Variants in NRG4 observed in about 807,000 individuals in gnomAD.
NRG4 encodes neuregulin 4.
In NRG4, 10 loss-of-function variants were observed where a neutral mutation model predicts 15.0. The observed-to-expected ratio is 0.67, with a 90% CI of 0.41 to 1.13. The LOEUF is 1.13. Ranked by LOEUF, NRG4 falls within the 50% of genes most tolerant of loss-of-function variation. NRG4 has a pLI of 0.00. For synonymous variants in NRG4, 41 were observed against 50.1 expected, an observed-to-expected ratio of 0.82 and a Z score of 0.77; for missense variants, 139 against 140.2, an observed-to-expected ratio of 0.99 and a Z score of 0.04.
intron 3 of NRG4, among the ~76,000 whole-genome samples, chr15:75,976,733 C>T (rs1292530468): frequency 1.3e-5 from 2 of 152,182 alleles, no homozygotes; most frequent in East Asian, 1.9e-4. Flanking sequence ...CGCCAGATGC[C>T]AGCCAGAGGT....
chr15:75,990,987 T>C (rs2033994072), intron 3 of NRG4, among the ~76,000 whole-genome samples: 1 of 152,188 alleles, frequency 6.6e-6, no homozygotes, highest in Non-Finnish European at 1.5e-5. Flanking sequence ...GTAATTTTCA[T>C]ATATTCTATT....
rs548943287 is a variant in NRG4, at chr15:75,970,514, C to T, written c.105-8540G>A. On this transcript the variant is annotated intron_variant, in intron 3 of 5. Coordinates refer to ENST00000394907, the MANE Select transcript of NRG4 (RefSeq NM_138573.4). ...CTTGGCCTAGGCAGCAGGGACCGTC[C>T]CAGGTCTGAGCCTGTGGCTCTATGG... is the stretch of plus-strand genomic sequence containing the variant. Among the ~76,000 whole-genome samples, 34 of 152,332 alleles carry T rather than the reference C, an allele frequency of 2.2e-4. No individual in the cohort carries two copies. The East Asian group carries it at 6.2e-3, about 28-fold the overall frequency.
chr15:75,966,359 T>C (rs1194313358), intron 3 of NRG4, among the ~76,000 whole-genome samples: 1 of 152,206 alleles, frequency 6.6e-6, no homozygotes, highest in African/African-American at 2.4e-5. Flanking sequence ...TATGTGATCT[T>C]GGGCAAGTCA....
chr15:76,027,821 C>CA (rs1353130827), intron 5 of NRG4, among the ~76,000 whole-genome samples: 10 of 151,986 alleles, frequency 6.6e-5, no homozygotes, highest in Non-Finnish European at 1.0e-4. Flanking sequence ...ATTGAAATAT[C>CA]AAGTAACTTA....
In NRG4 at chr15:75,986,887, A is replaced by G. The variant is rs148857370; in HGVS notation, c.104+22313T>C. ...CCATTAAACTGAAAGGGAAGGGATG[A>G]ACACATAAGAGAGAATATTAATGTA... On this transcript the variant is annotated intron_variant, in intron 3 of 5. Transcript: ENST00000394907. Among the ~76,000 whole-genome samples the G allele has an allele frequency of 1.1e-3, 169 of 152,322 alleles. 1 individual carries two copies. The highest frequency in any genetic ancestry group is 3.8e-3 in the African/African-American group (158 of 41,566).
At chr15:76,021,310 G>C (rs1567115293) in intron 5 of NRG4, among the ~76,000 whole-genome samples, 1 of 152,208 alleles carries the variant, frequency 6.6e-6, no homozygotes, top group Non-Finnish European at 1.5e-5. Context: ...TGAGGGCTCA[G>C]ATGTTTGTCA....
intron 5 of NRG4, among the ~76,000 whole-genome samples, chr15:75,951,804 G>A (rs145416789): frequency 6.6e-6 from 1 of 152,172 alleles, no homozygotes; most frequent in African/African-American, 2.4e-5. Flanking sequence ...ATGTTGTTAT[G>A]ATATTTCATT....
chr15:75,937,305 C>T (rs1308253593), downstream of NRG4: 6 of 150,836 alleles, frequency 4.0e-5, no homozygotes, highest in Admixed American at 2.6e-4. Flanking sequence ...GTCAGGAGAT[C>T]GAGACCATCC....
At chr15:76,017,155 C>CTTTTTTTTTTTTTTTT (rs66838505), upstream of NRG4, among the ~76,000 whole-genome samples, 33 of 52,312 alleles carry the variant, frequency 6.3e-4, 1 homozygote, top group East Asian at 1.8e-3. Flanking sequence ...CAACCCCTGC[C>CTTTTTTTTTTTTTTTT]TTTTTTTTTT....
intron 5 of NRG4, among the ~76,000 whole-genome samples, chr15:75,945,499 C>G (rs1462096347): frequency 6.6e-6 from 1 of 152,082 alleles, no homozygotes; most frequent in Non-Finnish European, 1.5e-5. Flanking sequence ...AGAATTTCTT[C>G]ATGGTTATTT....
At chr15:76,011,315 G>T (rs2034802456) in intron 1 of NRG4, 29 bp from the exon 2 acceptor site, 1 of 1,129,904 alleles carries the variant, frequency 8.9e-7, no homozygotes, top group Non-Finnish European at 1.2e-6. Flanking sequence ...TAATAATTCA[G>T]GGAAAATAGT....
Position 75,968,675 on chromosome 15 carries a change from T to C in NRG4, c.105-6701A>G, listed in dbSNP as rs556917571. On this transcript the variant is annotated intron_variant, in intron 3 of 5. Transcript: ENST00000394907. ...CAGTTACTTGGGAGGTTGAGGTGGG[T>C]AGATGGCTTGAGGCCAGGAGTTTGA... Among the ~76,000 whole-genome samples the C allele has an allele frequency of 4.7e-5, 7 of 147,922 alleles. No homozygotes were observed. The South Asian group carries it at 1.5e-3, about 32-fold the overall frequency.
At chr15:76,023,283 G>T (rs1392941829) in intron 5 of NRG4, among the ~76,000 whole-genome samples, 1 of 91,756 alleles carries the variant, frequency 1.1e-5, no homozygotes, top group Non-Finnish European at 3.1e-5. Context: ...TACCTATAGT[G>T]ATTGGAAGCC....
At chr15:76,050,960 C>T (rs1164496409) in intron 4 of NRG4, among the ~76,000 whole-genome samples, 1 of 149,030 alleles carries the variant, frequency 6.7e-6, no homozygotes, top group African/African-American at 2.5e-5. Context: ...TGTGTGCCAC[C>T]ATGCCTGCCT....
chr15:75,950,774 T>C (rs1238045753), intron 5 of NRG4: 1 of 153,014 alleles, frequency 6.5e-6, no homozygotes, highest in Admixed American at 6.5e-5. Flanking sequence ...AATTGCTCTA[T>C]GGTTTCTTCT....
chr15:75,942,227 A>G lies in NRG4; in HGVS notation c.*1411T>C, dbSNP rs1376642650. ...TGAAACTACTGTATACAATACTATAATAGTGGATACATGACATTATATATT... is the reference window on the plus strand; with the variant it reads ...TGAAACTACTGTATACAATACTATAGTAGTGGATACATGACATTATATATT... On this transcript the variant is annotated 3_prime_UTR_variant, in exon 6 of 6. Coordinates refer to ENST00000394907, the MANE Select transcript of NRG4 (RefSeq NM_138573.4). 1 of 152,114 alleles carries G rather than the reference A, an allele frequency of 6.6e-6. No individual in the cohort carries two copies. The highest frequency in any genetic ancestry group is 2.4e-5 in the African/African-American group (1 of 41,432). 9.4% of individuals were successfully genotyped at this position (152,114 alleles called of 1,614,324 possible). A position where few individuals can be genotyped will look rare whatever the true frequency, so the allele number is the denominator to read the frequency against.
chr15:75,966,492 G>T (rs1192667353), intron 3 of NRG4, among the ~76,000 whole-genome samples: 1 of 152,076 alleles, frequency 6.6e-6, no homozygotes, highest in African/African-American at 2.4e-5. Context: ...GTGTTTACAA[G>T]GAATAAAATA....
chr15:75,989,318 CCTTT>C (rs1212461411), intron 3 of NRG4, among the ~76,000 whole-genome samples: 1 of 152,124 alleles, frequency 6.6e-6, no homozygotes, highest in Non-Finnish European at 1.5e-5. Context: ...TGATGAACTT[CCTTT>C]AACATTTCAT....
At position 76,011,260 on chromosome 15, in the gene NRG4, C is replaced by A. The variant is rs766795825; in HGVS notation, c.-30G>T. On this transcript the variant is annotated 5_prime_UTR_variant, in exon 2 of 6. It removes the in-frame stop codon of an upstream open reading frame in the 5' UTR. Transcript: ENST00000394907. ...ATTTGTAAATAGTTTCATTCTTGGTCAAGAGAGTAGGGTTGAAAAACAGTA... is the reference window on the plus strand; with the variant it reads ...ATTTGTAAATAGTTTCATTCTTGGTAAAGAGAGTAGGGTTGAAAAACAGTA... 2.1e-6 allele frequency: 3 copies of A among 1,438,586 alleles called. No individual in the cohort carries two copies. The highest frequency in any genetic ancestry group is 3.4e-5 in the South Asian group (2 of 58,570). The allele number at this position is 1,438,586 out of a possible 1,614,324, so 89.1% of individuals were successfully genotyped here. A position where few individuals can be genotyped will look rare whatever the true frequency, so the allele number is the denominator to read the frequency against.
Sources: allele counts gnomAD v4.1 joint callset (sites outside exome capture counted in the v4.1 genomes callset), GRCh38; gene constraint gnomAD v4.1.1; transcripts MANE v1.5; gene names NCBI Gene and HGNC (gene_info 2026-07-23, HGNC 2026-07-21).